Variants in SLCO6A1 observed in about 807,000 individuals in gnomAD.
SLCO6A1 encodes solute carrier organic anion transporter family member 6A1.
Under a neutral mutation model 72.7 loss-of-function variants are expected in SLCO6A1, and 65 were observed. The observed-to-expected ratio is 0.89, with a 90% CI of 0.73 to 1.10. The LOEUF (loss-of-function observed/expected upper bound fraction) is 1.10, where lower values mean the gene tolerates loss of function less well. Ranked by LOEUF, SLCO6A1 falls within the 50% of genes least tolerant of loss-of-function variation. The probability of loss-of-function intolerance (pLI) is 0.00; values close to 1 mark genes in which losing one functional copy is unlikely to be tolerated. For missense variants in SLCO6A1, 874 were observed against 872.6 expected (o/e 1.00, Z -0.02); for synonymous variants, 314 against 298.2 (o/e 1.05, Z -0.55).
At chr5:102,470,838 G>T (rs1257859287) in intron 4 of SLCO6A1, among the ~76,000 whole-genome samples, 18 of 152,046 alleles carry the variant, frequency 1.2e-4, no homozygotes, top group African/African-American at 4.1e-4. Flanking sequence ...CTCAGCCATG[G>T]AATCCAGCAC....
At chr5:102,425,343 G>A (rs543986331) in intron 7 of SLCO6A1, among the ~76,000 whole-genome samples, 3 of 152,274 alleles carry the variant, frequency 2.0e-5, no homozygotes, top group South Asian at 4.2e-4. Context: ...TCTGTTTGCA[G>A]ATAACATGAT....
intron 10 of SLCO6A1, among the ~76,000 whole-genome samples, chr5:102,396,044 A>C (rs889034225): frequency 1.3e-5 from 2 of 151,942 alleles, no homozygotes; most frequent in South Asian, 2.1e-4. Context: ...TCTTTAGTTT[A>C]ATTAGATCCC....
At chr5:102,471,402 G>A (rs947163322) in intron 4 of SLCO6A1, among the ~76,000 whole-genome samples, 3 of 152,044 alleles carry the variant, frequency 2.0e-5, no homozygotes, top group Non-Finnish European at 4.4e-5. Context: ...CTAACTGCTA[G>A]ACGGGTTTCC....
chr5:102,432,549 G>A (rs1442414039), intron 7 of SLCO6A1, among the ~76,000 whole-genome samples: 2 of 152,104 alleles, frequency 1.3e-5, no homozygotes, highest in Non-Finnish European at 2.9e-5. Flanking sequence ...TTAGAATGTT[G>A]AATATAGGCT....
chr5:102,416,320 G>T (rs1335685103), intron 8 of SLCO6A1, among the ~76,000 whole-genome samples: 1 of 151,748 alleles, frequency 6.6e-6, no homozygotes, highest in Non-Finnish European at 1.5e-5. Flanking sequence ...ATCAACAGAT[G>T]ATTGAATTAA....
intron 6 of SLCO6A1, among the ~76,000 whole-genome samples, chr5:102,454,048 C>T (rs1292972471): frequency 6.6e-6 from 1 of 152,178 alleles, no homozygotes; most frequent in African/African-American, 2.4e-5. Flanking sequence ...TATCATTGGC[C>T]AGATATATCT....
At chr5:102,381,731 C>CTT (rs57935092) in intron 12 of SLCO6A1, among the ~76,000 whole-genome samples, 68,457 of 134,062 alleles carry the variant, frequency 0.51, 17,940 homozygotes, top group Non-Finnish European at 0.58. Context: ...CAATATTTAT[C>CTT]TTTTTTTTTT....
intron 7 of SLCO6A1, among the ~76,000 whole-genome samples, chr5:102,433,033 T>C (rs768616747): frequency 5.3e-5 from 8 of 152,230 alleles, no homozygotes; most frequent in Non-Finnish European, 8.8e-5. Flanking sequence ...CTTCAAGCTC[T>C]GAGATTATTT....
intron 8 of SLCO6A1, among the ~76,000 whole-genome samples, chr5:102,417,319 T>G (rs530713895): frequency 6.6e-6 from 1 of 152,194 alleles, no homozygotes; most frequent in Non-Finnish European, 1.5e-5. Flanking sequence ...TTAACTGAGA[T>G]GTTCAGCTAT....
chr5:102,447,654 C>T (rs1313119920), intron 6 of SLCO6A1, among the ~76,000 whole-genome samples: 1 of 152,058 alleles, frequency 6.6e-6, no homozygotes, highest in African/African-American at 2.4e-5. Flanking sequence ...TTCTAGTTTG[C>T]GTGCATAGTG....
At chr5:102,402,110 C>G (rs1199742087) in intron 9 of SLCO6A1, among the ~76,000 whole-genome samples, 1 of 151,914 alleles carries the variant, frequency 6.6e-6, no homozygotes, top group South Asian at 2.1e-4. Flanking sequence ...AGTTGTAGAT[C>G]AATAGCAGAA....
chr5:102,420,467 CGT>C (rs1748533315), intron 7 of SLCO6A1, among the ~76,000 whole-genome samples: 1 of 151,966 alleles, frequency 6.6e-6, no homozygotes, highest in Non-Finnish European at 1.5e-5. Flanking sequence ...TATGAATGAA[CGT>C]TCAATATTAA....
chr5:102,492,758 G>C (rs1257253058), intron 1 of SLCO6A1, among the ~76,000 whole-genome samples: 1 of 152,204 alleles, frequency 6.6e-6, no homozygotes, highest in Non-Finnish European at 1.5e-5. Flanking sequence ...CTGGCTCAGA[G>C]GGTCCCATGC....
chr5:102,461,387 C>G (rs1751031200), intron 4 of SLCO6A1, among the ~76,000 whole-genome samples: 1 of 151,952 alleles, frequency 6.6e-6, no homozygotes, highest in East Asian at 1.9e-4. Flanking sequence ...TCAAGTAATT[C>G]AAATCAAAAT....
At chr5:102,475,622 T>TA in intron 4 of SLCO6A1, 75 bp downstream of exon 4, 3 of 889,542 alleles carry the variant, frequency 3.4e-6, no homozygotes, top group Non-Finnish European at 3.4e-6. Context: ...TATATATATT[T>TA]ACTTGTAAGC....
intron 10 of SLCO6A1, among the ~76,000 whole-genome samples, chr5:102,393,065 T>A (rs926829695): frequency 1.1e-4 from 17 of 152,084 alleles, no homozygotes; most frequent in South Asian, 2.1e-4. Context: ...CATTAAAAAA[T>A]TTTTTTCATA....
chr5:102,477,761 C>G lies in SLCO6A1; in HGVS notation c.717G>C (p.Gln239His), dbSNP rs1178508857. The G allele has an allele frequency of 2.5e-6, 4 of 1,613,628 alleles. No individual in the cohort carries two copies. In the African/African-American group the frequency reaches 5.3e-5, roughly 22 times the overall value. The part of the protein sequence containing the change: ...LSFFILGQTV[Q>H]GIAGMPLYIL... ...TATAAAGAGGCATTCCTGCTATTCC[C>G]TGCACAGTCTGCCCAAGGATGAAGA... is the stretch of plus-strand genomic sequence containing the variant. The change falls in exon 3 of 14, where the codon CAG becomes CAC. Residue 239 changes from glutamine to histidine, a missense_variant. Physicochemically the swap from Gln to His is conservative, Grantham distance 24 (BLOSUM62 0). Coordinates refer to ENST00000506729, the MANE Select transcript of SLCO6A1 (RefSeq NM_173488.5).
At chr5:102,497,717 T>A (rs756441711) in intron 1 of SLCO6A1, among the ~76,000 whole-genome samples, 3 of 152,222 alleles carry the variant, frequency 2.0e-5, no homozygotes, top group Non-Finnish European at 2.9e-5. Context: ...GAACTAACTT[T>A]GGGAAGGAAT....
intron 12 of SLCO6A1, among the ~76,000 whole-genome samples, chr5:102,383,147 G>A (rs1746220481): frequency 7.1e-6 from 1 of 140,734 alleles, no homozygotes; most frequent in African/African-American, 2.7e-5. Flanking sequence ...TTTGCAAAGA[G>A]AAACTATTTT....
Sources: gnomAD v4.1 joint callset for allele counts (sites outside exome capture counted in the v4.1 genomes callset) on GRCh38, gnomAD v4.1.1 for gene constraint, MANE v1.5 for transcripts, NCBI Gene and HGNC (gene_info 2026-07-23, HGNC 2026-07-21) for gene names.